The following AGBL4 variants were observed in gnomAD, a reference collection of about 807,000 sequenced individuals.
AGBL4 encodes AGBL carboxypeptidase 4.
AGBL4 carries 58 observed loss-of-function variants against 66.4 expected under a neutral mutation model. The observed-to-expected ratio is 0.87, with a 90% CI of 0.71 to 1.09. AGBL4 has a LOEUF of 1.09. Among genes scored for constraint, AGBL4 ranks in the 50% least tolerant of loss-of-function variants. AGBL4 has a pLI of 0.00. For missense variants in AGBL4, 579 were observed against 631.0 expected, an observed-to-expected ratio of 0.92 and a Z score of 0.88; for synonymous variants, 234 against 222.9, an observed-to-expected ratio of 1.05 and a Z score of -0.44.
chr1:49,919,471 A>C (rs368619567), intron 1 of AGBL4, among the ~76,000 whole-genome samples: 5 of 152,142 alleles, frequency 3.3e-5, no homozygotes, highest in Non-Finnish European at 5.9e-5. Context: ...CAAATCATGA[A>C]TGAACTCCCA....
At chr1:49,002,372 T>C (rs1052774223) in intron 5 of AGBL4, among the ~76,000 whole-genome samples, 1 of 152,202 alleles carries the variant, frequency 6.6e-6, no homozygotes, top group Non-Finnish European at 1.5e-5. Context: ...ATAATTAGCA[T>C]GGAGGTTCTG....
intron 3 of AGBL4, among the ~76,000 whole-genome samples, chr1:49,663,445 C>A (rs1480537543): frequency 6.6e-6 from 1 of 152,110 alleles, no homozygotes; most frequent in East Asian, 1.9e-4. Context: ...CAGATGGATA[C>A]AGAAGGCTTT....
intron 6 of AGBL4, among the ~76,000 whole-genome samples, chr1:48,690,668 G>A (rs115814867): frequency 0.021 from 3,143 of 152,020 alleles, 110 homozygotes; most frequent in African/African-American, 0.072. Context: ...AAAATAGGAC[G>A]TAAGTAGAAA....
intron 3 of AGBL4, among the ~76,000 whole-genome samples, chr1:49,638,376 C>T (rs1251798535): frequency 1.3e-5 from 2 of 152,144 alleles, no homozygotes; most frequent in Non-Finnish European, 2.9e-5. Flanking sequence ...CATTCTATAT[C>T]ATATATCTGT....
At chr1:49,359,012 C>T (rs967057013) in intron 3 of AGBL4, among the ~76,000 whole-genome samples, 4 of 151,822 alleles carry the variant, frequency 2.6e-5, no homozygotes, top group Non-Finnish European at 2.9e-5. Flanking sequence ...TGTTTTATTA[C>T]TTATGTATTA....
At position 49,024,939 on chromosome 1, in the gene AGBL4, G is replaced by A. The variant is rs151226068; in HGVS notation, c.594+20645C>T. Among the ~76,000 whole-genome samples the A allele has an allele frequency of 1.5e-3, 234 of 152,170 alleles. 4 individuals carry two copies. The highest frequency in any genetic ancestry group is 5.4e-3 in the African/African-American group (226 of 41,546). On this transcript the variant is annotated intron_variant, in intron 5 of 13. Coordinates refer to ENST00000371839, the MANE Select transcript of AGBL4 (RefSeq NM_032785.4). ...CCATATGGCTCCAGCCTTGATGATC[G>A]TTCTACTTACATTTTAACTAATAGG...
At chr1:49,489,371 A>G (rs114358578) in intron 3 of AGBL4, among the ~76,000 whole-genome samples, 52 of 151,584 alleles carry the variant, frequency 3.4e-4, no homozygotes, top group African/African-American at 1.2e-3. Flanking sequence ...TATTTTTTTA[A>G]ATCAGATTAT....
At chr1:49,948,365 TACATAAA>T (rs1655667066) in intron 1 of AGBL4, among the ~76,000 whole-genome samples, 1 of 108,368 alleles carries the variant, frequency 9.2e-6, no homozygotes, top group African/African-American at 3.8e-5. Flanking sequence ...AATATATAAA[TACATAAA>T]ATATATAAAT....
chr1:48,999,369 A>G (rs1030737382), intron 5 of AGBL4, among the ~76,000 whole-genome samples: 10 of 152,212 alleles, frequency 6.6e-5, no homozygotes, highest in Non-Finnish European at 1.0e-4. Context: ...TAAAGTCCTC[A>G]GAAATACCTT....
At chr1:49,698,146 T>C (rs1176212938) in intron 2 of AGBL4, among the ~76,000 whole-genome samples, 2 of 152,168 alleles carry the variant, frequency 1.3e-5, no homozygotes, top group Non-Finnish European at 2.9e-5. Flanking sequence ...GGCAAGATAT[T>C]TGTTACACAA....
intron 2 of AGBL4, among the ~76,000 whole-genome samples, chr1:49,791,160 T>G (rs1358499295): frequency 6.6e-6 from 1 of 152,106 alleles, no homozygotes; most frequent in African/African-American, 2.4e-5. Flanking sequence ...CTCTAGACTT[T>G]CATAAGTGAA....
At chr1:48,666,109 G>A (rs1425204523) in intron 6 of AGBL4, among the ~76,000 whole-genome samples, 2 of 152,192 alleles carry the variant, frequency 1.3e-5, no homozygotes, top group Non-Finnish European at 2.9e-5. Context: ...TTAGAAGGCC[G>A]TAAAAGAGCA....
intron 3 of AGBL4, among the ~76,000 whole-genome samples, chr1:49,333,222 G>A (rs1645369626): frequency 6.6e-6 from 1 of 152,148 alleles, no homozygotes; most frequent in African/African-American, 2.4e-5. Context: ...GCTCACACCT[G>A]TAATCCCAGT....
chr1:49,668,248 A>G (rs1218117091), intron 3 of AGBL4, among the ~76,000 whole-genome samples: 1 of 152,200 alleles, frequency 6.6e-6, no homozygotes, highest in Non-Finnish European at 1.5e-5. Context: ...TTTCTTTACC[A>G]GAGAGGACTA....
At chr1:49,095,534 A>G (rs1645080779) in intron 4 of AGBL4, among the ~76,000 whole-genome samples, 1 of 152,166 alleles carries the variant, frequency 6.6e-6, no homozygotes, top group South Asian at 2.1e-4. Flanking sequence ...AAATAATGCA[A>G]CATATCTACA....
At chr1:49,628,333 G>C (rs921811431) in intron 3 of AGBL4, among the ~76,000 whole-genome samples, 2 of 152,024 alleles carry the variant, frequency 1.3e-5, no homozygotes, top group African/African-American at 4.8e-5. Flanking sequence ...ACCTGCCACA[G>C]GTCCCAATAA....
intron 2 of AGBL4, chr1:49,845,098 G>T: frequency 6.8e-7 from 1 of 1,461,054 alleles, no homozygotes. Flanking sequence ...ATGCAGAAAG[G>T]CCTTTAGTCA....
At chr1:49,137,716 A>G (rs1038349686) in intron 4 of AGBL4, among the ~76,000 whole-genome samples, 1 of 152,110 alleles carries the variant, frequency 6.6e-6, no homozygotes, top group Admixed American at 6.6e-5. Flanking sequence ...CTTCAAAACA[A>G]TTGCTAATAA....
At chr1:49,948,085 AAT>A (rs1557608276) in intron 1 of AGBL4, among the ~76,000 whole-genome samples, 12 of 85,126 alleles carry the variant, frequency 1.4e-4, no homozygotes, top group South Asian at 8.1e-4. Flanking sequence ...AATATATGTA[AAT>A]ATATGTATAT....
Sources: allele counts gnomAD v4.1 joint callset (sites outside exome capture counted in the v4.1 genomes callset), GRCh38; gene constraint gnomAD v4.1.1; transcripts MANE v1.5; gene names NCBI Gene and HGNC (gene_info 2026-07-23, HGNC 2026-07-21).